CCDC125: variants seen among roughly 807,000 people sequenced by gnomAD.
The protein encoded by CCDC125 is coiled-coil domain containing 125.
In CCDC125, 43 loss-of-function variants were observed where a neutral mutation model predicts 57.4. The observed-to-expected ratio is 0.75, with a 90% CI of 0.59 to 0.97. The LOEUF is 0.97. Ranked by LOEUF, CCDC125 falls within the 50% of genes least tolerant of loss-of-function variation. The pLI, the probability that CCDC125 is intolerant of heterozygous loss-of-function variation, is 0.00. For synonymous variants in CCDC125, 187 were observed against 195.2 expected (o/e 0.96, Z 0.35); for missense variants, 563 against 595.7 (o/e 0.95, Z 0.57).
chr5:69,292,436 T>C lies in CCDC125; in HGVS notation c.925-74A>G, dbSNP rs944597195. On this transcript the variant is annotated intron_variant, in intron 9 of 11. Coordinates refer to ENST00000396496, the MANE Select transcript of CCDC125 (RefSeq NM_176816.5). ...ATTCTTGCTGAATGGGGAATCAAAT[T>C]AACATATGCAATCTCACTGCCTAGC... 9 of 1,112,986 alleles carry C rather than the reference T, an allele frequency of 8.1e-6. No individual in the cohort carries two copies. In the African/African-American group the frequency reaches 9.3e-5, roughly 11 times the overall value. The allele number at this position is 1,112,986 out of a possible 1,614,324, so 68.9% of individuals were successfully genotyped here.
chr5:69,287,008 A>AC (rs2150315293), intron 10 of CCDC125, among the ~76,000 whole-genome samples: 1 of 151,730 alleles, frequency 6.6e-6, no homozygotes, highest in East Asian at 1.9e-4. Context: ...AAAAAAAAAA[A>AC]AAAAACCCAA....
At chr5:69,332,335 C>G (rs1206533872) in intron 1 of CCDC125, among the ~76,000 whole-genome samples, 1 of 152,148 alleles carries the variant, frequency 6.6e-6, no homozygotes, top group Non-Finnish European at 1.5e-5. Context: ...TGGGTACGTG[C>G]TATTAACTAA....
chr5:69,301,710 G>A (rs937088192), intron 7 of CCDC125, among the ~76,000 whole-genome samples: 4 of 149,874 alleles, frequency 2.7e-5, no homozygotes, highest in Middle Eastern at 6.9e-3. Flanking sequence ...ACTCTAGCCT[G>A]GGTGACAGAG....
chr5:69,290,763 G>A (rs1754320188), intron 10 of CCDC125, among the ~76,000 whole-genome samples: 1 of 150,978 alleles, frequency 6.6e-6, no homozygotes. Flanking sequence ...CCAAGTAGCT[G>A]GGACTACAGG....
At chr5:69,279,078 A>G (rs1752341027), downstream of CCDC125, among the ~76,000 whole-genome samples, 1 of 151,782 alleles carries the variant, frequency 6.6e-6, no homozygotes, top group African/African-American at 2.4e-5. Context: ...TGTAGGCCAT[A>G]TATCTGGCTC....
intron 10 of CCDC125, among the ~76,000 whole-genome samples, chr5:69,286,188 CTATATATATATATATATATATATATA>C (rs59035946): frequency 0.018 from 921 of 51,362 alleles, 21 homozygotes; most frequent in South Asian, 0.1. Flanking sequence ...AAATGGTAAA[CTATATATATATATATATATATATATA>C]TATATATATA....
At chr5:69,319,444 C>T (rs2150591593) in intron 2 of CCDC125, among the ~76,000 whole-genome samples, 1 of 151,046 alleles carries the variant, frequency 6.6e-6, no homozygotes, top group South Asian at 2.1e-4. Context: ...TGCATAACTA[C>T]TGTACTGTAC....
chr5:69,273,138 A>G, the CCDC125 span: 2 of 866,930 alleles, frequency 2.3e-6, no homozygotes, highest in Non-Finnish European at 3.4e-6. Context: ...CATTTTTTAA[A>G]TACTGGAAAG....
At chr5:69,297,304 GC>G (rs1216040743) in intron 8 of CCDC125, among the ~76,000 whole-genome samples, 2 of 151,590 alleles carry the variant, frequency 1.3e-5, no homozygotes, top group Non-Finnish European at 2.9e-5. Flanking sequence ...GCATCCCAAA[GC>G]GCTGGGATTA....
chr5:69,286,068 G>A (rs959427491), intron 10 of CCDC125, among the ~76,000 whole-genome samples: 3 of 151,274 alleles, frequency 2.0e-5, no homozygotes, highest in African/African-American at 7.3e-5. Flanking sequence ...AGGAGTTACT[G>A]TTTCATGGGA....
intron 1 of CCDC125, among the ~76,000 whole-genome samples, chr5:69,326,821 A>G (rs1287316518): frequency 2.7e-5 from 4 of 148,354 alleles, no homozygotes; most frequent in Admixed American, 2.0e-4. Flanking sequence ...GAGGCCAAAG[A>G]AGGAGGACTG....
Position 69,281,281 on chromosome 5 carries a change from AGG to A in CCDC125, c.*1446_*1447del, listed in dbSNP as rs1561388545. On this transcript the variant is annotated 3_prime_UTR_variant, in exon 12 of 12. Transcript: ENST00000396496. Reference sequence around the variant, plus strand: ...GAGGCTGAGGCAGGAGGATCCCTTGAGGCCAGGAGTTTGGCACCAGCCTGAGC... The same window carrying A: ...GAGGCTGAGGCAGGAGGATCCCTTGACCAGGAGTTTGGCACCAGCCTGAGC... 6.6e-6 allele frequency: 1 copy of A among 152,188 alleles called. No homozygotes were observed. The highest frequency in any genetic ancestry group is 1.5e-5 in the Non-Finnish European group (1 of 68,092). The allele number at this position is 152,188 out of a possible 1,614,324, so 9.4% of individuals were successfully genotyped here.
chr5:69,324,810 C>T (rs995299374), intron 1 of CCDC125, among the ~76,000 whole-genome samples: 6 of 151,958 alleles, frequency 3.9e-5, no homozygotes, highest in East Asian at 3.9e-4. Flanking sequence ...GCCAGGAGTT[C>T]GAAACCAGCC....
chr5:69,275,841 T>G (rs1438389859), downstream of CCDC125, among the ~76,000 whole-genome samples: 1 of 152,112 alleles, frequency 6.6e-6, no homozygotes, highest in Admixed American at 6.6e-5. Flanking sequence ...ACCTTCAGTT[T>G]ATATGTATAA....
At chr5:69,273,495 T>C in the CCDC125 span, among the ~76,000 whole-genome samples, 7 of 152,182 alleles carry the variant, frequency 4.6e-5, no homozygotes, top group Non-Finnish European at 1.0e-4. Flanking sequence ...CATTCTCACA[T>C]TGAGAACATG....
chr5:69,323,745 T>C (rs1165018732), intron 1 of CCDC125: 1 of 152,140 alleles, frequency 6.6e-6, no homozygotes, highest in Non-Finnish European at 1.5e-5. Flanking sequence ...CAAAAATGCC[T>C]ACAGATCAAC....
chr5:69,327,181 G>C (rs531177967), intron 1 of CCDC125, among the ~76,000 whole-genome samples: 1 of 147,876 alleles, frequency 6.8e-6, no homozygotes, highest in Non-Finnish European at 1.5e-5. Context: ...TGCAAGCTCC[G>C]CCTCCCGGGT....
intron 10 of CCDC125, among the ~76,000 whole-genome samples, chr5:69,288,645 A>G (rs542555207): frequency 6.6e-6 from 1 of 152,286 alleles, no homozygotes; most frequent in South Asian, 2.1e-4. Flanking sequence ...GAGGCATCCT[A>G]GCAAATCAAT....
chr5:69,329,694 G>A (rs1218193661), intron 1 of CCDC125, among the ~76,000 whole-genome samples: 1 of 151,378 alleles, frequency 6.6e-6, no homozygotes, highest in South Asian at 2.1e-4. Flanking sequence ...GTAGAGATGG[G>A]ATTTCACCAT....
Sources: allele counts gnomAD v4.1 joint callset (sites outside exome capture counted in the v4.1 genomes callset), GRCh38; gene constraint gnomAD v4.1.1; transcripts MANE v1.5; gene names NCBI Gene and HGNC (gene_info 2026-07-23, HGNC 2026-07-21).